The following USP4 variants were observed in gnomAD, a reference collection of about 807,000 sequenced individuals.
The protein encoded by USP4 is ubiquitin carboxyl-terminal hydrolase 4.
Under a neutral mutation model 118.2 loss-of-function variants are expected in USP4, and 72 were observed. That is an observed-to-expected ratio of 0.61 (90% CI 0.50 to 0.74). The LOEUF (loss-of-function observed/expected upper bound fraction) is 0.74. Among genes scored for constraint, USP4 ranks in the 30% least tolerant of loss-of-function variants. The pLI is 0.00. For synonymous variants in USP4, 415 were observed against 440.4 expected (o/e 0.94, Z 0.72); for missense variants, 1,037 against 1,185.7 (o/e 0.87, Z 1.84).
intron 6 of USP4, 49 bp downstream of exon 6, chr3:49,324,653 T>C (rs928371594): frequency 4.5e-6 from 7 of 1,540,942 alleles, no homozygotes; most frequent in Non-Finnish European, 6.3e-6. Context: ...GGAAAGACTG[T>C]CTCTTTTGCA....
At chr3:49,321,209 T>G (rs978963897) in intron 6 of USP4, among the ~76,000 whole-genome samples, 4 of 152,238 alleles carry the variant, frequency 2.6e-5, no homozygotes, top group African/African-American at 9.6e-5. Flanking sequence ...CTTTCCTAAC[T>G]GACGTAGTAT....
At chr3:49,290,483 T>G (rs1346583660) in intron 15 of USP4, among the ~76,000 whole-genome samples, 2 of 152,246 alleles carry the variant, frequency 1.3e-5, no homozygotes, top group Non-Finnish European at 2.9e-5. Flanking sequence ...TCTGGACATT[T>G]GGTTTTGCAA....
intron 6 of USP4, among the ~76,000 whole-genome samples, chr3:49,313,348 G>A (rs2047405674): frequency 6.6e-6 from 1 of 151,992 alleles, no homozygotes; most frequent in African/African-American, 2.4e-5. Context: ...CCAACGTGGT[G>A]GAACCCCGTC....
At position 49,325,018 on chromosome 3, in the gene USP4, C is replaced by T. The variant is rs117411669; in HGVS notation, c.509G>A (p.Arg170Gln). The T allele has an allele frequency of 1.1e-4, 172 of 1,613,776 alleles. No individual in the cohort carries two copies. The East Asian group carries it at 3.7e-3, about 34-fold the overall frequency. The change falls in exon 5 of 22, where the codon CGG becomes CAG. Residue 170 changes from arginine (R) to glutamine (Q), a missense_variant. By Grantham distance (43) the Arg-to-Gln change is conservative. This residue lies in a region of USP4 where 487 missense variants were observed against 534.1 expected (regional missense o/e 0.91). Transcript: ENST00000265560. The stretch of plus-strand genomic sequence containing the variant: ...CTCCGCAGGGATGTTGAATAGCTTC[C>T]GCATCTCTTTCTCGATGGTTGCTAG... ...DTIATIEKEMRKLFNIPAERE... is the reference protein window; with the variant it reads ...DTIATIEKEMQKLFNIPAERE...
chr3:49,339,774 G>T (rs1032440736), intron 1 of USP4, 150 bp downstream of exon 1: 33 of 608,442 alleles, frequency 5.4e-5, no homozygotes, highest in Middle Eastern at 4.1e-4. Flanking sequence ...GCTGATCCTG[G>T]AGTTATTCTC....
intron 10 of USP4, among the ~76,000 whole-genome samples, chr3:49,301,559 G>A (rs12715435): frequency 0.15 from 22,452 of 152,002 alleles, 1,835 homozygotes; most frequent in Non-Finnish European, 0.17. Flanking sequence ...ATGGTGGCAC[G>A]TGGCTGTAGT....
At chr3:49,280,713 A>G (rs377053406) in intron 20 of USP4, 31 bp downstream of exon 20, 9 of 1,582,418 alleles carry the variant, frequency 5.7e-6, no homozygotes, top group Non-Finnish European at 7.8e-6. Flanking sequence ...ACATTTCAAC[A>G]TCTCAGAAGG....
rs1483216208 is a variant in USP4 at position 49,277,511 on chromosome 3, G to C, written c.*782C>G. On this transcript the variant is annotated 3_prime_UTR_variant, in exon 22 of 22. Coordinates refer to ENST00000265560, the MANE Select transcript of USP4 (RefSeq NM_003363.4). ...CCGGCTAACTCCCACAAAGATTTCT[G>C]TTCTCAAGCCAACATGGAAACAACT... 3 of 212,650 alleles carry C rather than the reference G, an allele frequency of 1.4e-5. No individual in the cohort carries two copies. The allele number at this position is 212,650 out of a possible 1,614,324, so 13.2% of individuals were successfully genotyped here. A position where few individuals can be genotyped will look rare whatever the true frequency, so the allele number is the denominator to read the frequency against.
intron 19 of USP4, among the ~76,000 whole-genome samples, chr3:49,282,019 C>A (rs1347671948): frequency 2.0e-5 from 3 of 150,902 alleles, no homozygotes; most frequent in Non-Finnish European, 4.4e-5. Flanking sequence ...CAAAAAAAAA[C>A]AAAAACAAAA....
intron 6 of USP4, chr3:49,312,682 C>G (rs2047396607): frequency 3.0e-6 from 1 of 329,592 alleles, no homozygotes; most frequent in African/African-American, 2.2e-5. Flanking sequence ...GTCCCAGCTA[C>G]TGGGGAGGCT....
At chr3:49,317,228 A>G in intron 6 of USP4, 1 of 1,531,552 alleles carries the variant, frequency 6.5e-7, no homozygotes, top group Non-Finnish European at 9.0e-7. Flanking sequence ...ATGGTCTGGT[A>G]GAACTTACTG....
Position 49,340,010 on chromosome 3 carries a change from T to C in USP4, c.15A>G (p.Gly5=). The C allele has an allele frequency of 6.2e-7, 1 of 1,608,960 alleles. No individual in the cohort carries two copies. The highest frequency in any genetic ancestry group is 8.5e-7 in the Non-Finnish European group (1 of 1,179,754). Residue 5 remains glycine (G), a synonymous_variant, in exon 1 of 22, where the codon GGA becomes GGG. Transcript: ENST00000265560. The part of the protein sequence containing the change: MAEG[G]GCRERPDAET... ...CCGCATCCGGTCGCTCACGGCAGCC[T>C]CCACCTTCCGCCATCTCCTCCGCGG...
At position 49,292,500 on chromosome 3, in the gene USP4, G is replaced by T; in HGVS notation, c.1972+10C>A. ...GTCAGTCACAGCCACAGAGCATGGT[G>T]CATACTCACCTTCACAGCTGTTCCT... On this transcript the variant is annotated intron_variant, in intron 15 of 21. Coordinates refer to ENST00000265560, the MANE Select transcript of USP4 (RefSeq NM_003363.4). 1 of 1,545,542 alleles carries T rather than the reference G, an allele frequency of 6.5e-7. No individual in the cohort carries two copies. Among genetic ancestry groups the T allele is most frequent in the East Asian group, 2.3e-5 (1 of 42,596 alleles).
At chr3:49,333,601 A>ATAG (rs760317225) in intron 2 of USP4, among the ~76,000 whole-genome samples, 9 of 152,186 alleles carry the variant, frequency 5.9e-5, no homozygotes, top group Non-Finnish European at 1.3e-4. Context: ...GTCTCAGGCA[A>ATAG]TAGCAAAGCC....
At chr3:49,320,482 T>C (rs1323967518) in intron 6 of USP4, among the ~76,000 whole-genome samples, 2 of 152,166 alleles carry the variant, frequency 1.3e-5, no homozygotes, top group African/African-American at 4.8e-5. Flanking sequence ...CATCTCACTC[T>C]GTCGTCCAGG....
chr3:49,317,509 CTTTT>C (rs765427138), intron 6 of USP4: 4 of 626,906 alleles, frequency 6.4e-6, no homozygotes, highest in African/African-American at 1.9e-5. Context: ...GAGTTTCACT[CTTTT>C]TTTGTTTTGT....
intron 2 of USP4, among the ~76,000 whole-genome samples, chr3:49,329,449 G>C (rs1410791070): frequency 6.6e-6 from 1 of 152,132 alleles, no homozygotes; most frequent in Non-Finnish European, 1.5e-5. Flanking sequence ...CACCCAGGCT[G>C]AAGTGCAGTG....
intron 8 of USP4, among the ~76,000 whole-genome samples, chr3:49,309,619 CTT>C (rs35128646): frequency 7.6e-5 from 6 of 79,356 alleles, no homozygotes; most frequent in African/African-American, 1.5e-4. Context: ...GGCGGGACAG[CTT>C]TTTTTTTTTT....
At chr3:49,337,971 G>A (rs1424963252) in intron 1 of USP4, among the ~76,000 whole-genome samples, 1 of 144,030 alleles carries the variant, frequency 6.9e-6, no homozygotes, top group African/African-American at 2.5e-5. Flanking sequence ...GCTTGAACCC[G>A]GGAGGCAGAG....
Sources: gnomAD v4.1 joint callset for allele counts (sites outside exome capture counted in the v4.1 genomes callset) on GRCh38, gnomAD v4.1.1 for gene constraint, gnomAD v4.1.1 regional missense constraint, MANE v1.5 for transcripts, NCBI Gene and HGNC (gene_info 2026-07-23, HGNC 2026-07-21) for gene names.